The following PDCD7 variants were observed in gnomAD, a reference collection of about 807,000 sequenced individuals.
The protein encoded by PDCD7 is programmed cell death protein 7.
Under a neutral mutation model 42.1 loss-of-function variants are expected in PDCD7, and 40 were observed. The observed-to-expected ratio is 0.95, with a 90% confidence interval of 0.74 to 1.24. The LOEUF (loss-of-function observed/expected upper bound fraction) is 1.24. Ranked by LOEUF, PDCD7 falls within the 50% of genes most tolerant of loss-of-function variation. The pLI is 0.00. For synonymous variants in PDCD7, 299 were observed against 303.3 expected (o/e 0.99, Z 0.15); for missense variants, 644 against 662.8 (o/e 0.97, Z 0.31).
At chr15:65,121,678 A>G (rs1475811615) in intron 2 of PDCD7, among the ~76,000 whole-genome samples, 1 of 152,226 alleles carries the variant, frequency 6.6e-6, no homozygotes, top group Non-Finnish European at 1.5e-5. Context: ...TGATTTAACT[A>G]TGAGGTCAGC....
chr15:65,132,622 G>A (rs1005335692), intron 1 of PDCD7, among the ~76,000 whole-genome samples: 6 of 152,212 alleles, frequency 3.9e-5, no homozygotes. Context: ...GGTTTTGAGA[G>A]TAAGTGGACA....
chr15:65,132,738 C>A (rs989633939), intron 1 of PDCD7, among the ~76,000 whole-genome samples, 174 bp downstream of exon 1: 1 of 152,108 alleles, frequency 6.6e-6, no homozygotes, highest in African/African-American at 2.4e-5. Context: ...TTTTGTGTAC[C>A]ACACATCATT....
chr15:65,120,503 T>C (rs1219281939), intron 2 of PDCD7, among the ~76,000 whole-genome samples: 1 of 152,036 alleles, frequency 6.6e-6, no homozygotes, highest in Non-Finnish European at 1.5e-5. Flanking sequence ...GGTCAGGAGA[T>C]TGAGAACATC....
intron 2 of PDCD7, among the ~76,000 whole-genome samples, chr15:65,124,581 C>CT (rs2087481514): frequency 6.6e-6 from 1 of 152,174 alleles, no homozygotes; most frequent in Admixed American, 6.5e-5. Context: ...CTCTATTCCC[C>CT]TTTAGCCACA....
At chr15:65,132,094 ATATGTATGTGTATATATATG>A (rs2087544414) in intron 1 of PDCD7, among the ~76,000 whole-genome samples, 1 of 132,854 alleles carries the variant, frequency 7.5e-6, no homozygotes, top group Non-Finnish European at 1.6e-5. Context: ...ACACATACAT[ATATGTATGTGTATATATATG>A]TATGTATGTG....
chr15:65,118,529 C>A lies in PDCD7; in HGVS notation c.*188G>T. 2 of 500,966 alleles carry A rather than the reference C, an allele frequency of 4.0e-6. No homozygotes were observed. Among genetic ancestry groups the A allele is most frequent in the Non-Finnish European group, 6.4e-6 (2 of 314,124 alleles). 31.0% of individuals were successfully genotyped at this position (500,966 alleles called of 1,614,324 possible). A position where few individuals can be genotyped will look rare whatever the true frequency, so the allele number is the denominator to read the frequency against. On this transcript the variant is annotated 3_prime_UTR_variant, in exon 5 of 5. Coordinates refer to ENST00000204549, the MANE Select transcript of PDCD7 (RefSeq NM_005707.2). ...TCACCTAAGTCCTTTCCTGAAAAAC[C>A]ACATTAATCTGATTCAAGAGGCACC...
At chr15:65,127,286 T>C (rs1274230807) in intron 2 of PDCD7, among the ~76,000 whole-genome samples, 1 of 151,814 alleles carries the variant, frequency 6.6e-6, no homozygotes, top group African/African-American at 2.4e-5. Flanking sequence ...TGAAACCCCG[T>C]CTCTACTAAA....
Position 65,129,151 on chromosome 15 carries a change from G to A in PDCD7, c.890C>T (p.Ala297Val). 6.2e-7 allele frequency: 1 copy of A among 1,613,858 alleles called. No homozygotes were observed. Among genetic ancestry groups the A allele is most frequent in the Admixed American group, 1.7e-5 (1 of 60,008 alleles). The change falls in exon 2 of 5, where the codon GCC becomes GTC. Residue 297 changes from alanine to valine, a missense_variant. Physicochemically the swap from Ala to Val is moderately conservative, Grantham distance 64 (BLOSUM62 0). Coordinates refer to ENST00000204549, the MANE Select transcript of PDCD7 (RefSeq NM_005707.2). Reference protein sequence around the residue: ...EKKREQELKAAADGVLSEVRK... With the variant: ...EKKREQELKAVADGVLSEVRK... Reference sequence around the variant, plus strand: ...CACTTCAGATAGTACGCCATCAGCGGCTGCTTTGAGTTCCTGCTCCTGGAA... The same window carrying A: ...CACTTCAGATAGTACGCCATCAGCGACTGCTTTGAGTTCCTGCTCCTGGAA...
intron 2 of PDCD7, among the ~76,000 whole-genome samples, chr15:65,128,118 T>C (rs2087510888): frequency 6.6e-6 from 1 of 152,246 alleles, no homozygotes; most frequent in Non-Finnish European, 1.5e-5. Flanking sequence ...CCAGTTTTCA[T>C]TTACATTTTA....
At chr15:65,130,400 C>T (rs142928548) in intron 1 of PDCD7, among the ~76,000 whole-genome samples, 41 of 152,088 alleles carry the variant, frequency 2.7e-4, no homozygotes, top group East Asian at 2.5e-3. Context: ...TCAGGTGATC[C>T]GCCCGCCTTG....
chr15:65,132,595 G>A (rs914789639), intron 1 of PDCD7, among the ~76,000 whole-genome samples: 1 of 152,136 alleles, frequency 6.6e-6, no homozygotes, highest in Admixed American at 6.5e-5. Flanking sequence ...CAAGACACAA[G>A]GAACTAGACA....
At position 65,118,598 on chromosome 15, in the gene PDCD7, A is replaced by C. The variant is rs776554355; in HGVS notation, c.*119T>G. Reference sequence around the variant, plus strand: ...CAGAAGGAAAGCATAACTTCAGGGTAGGGGAATGCCACATGGAATTTAGAA... The same window carrying C: ...CAGAAGGAAAGCATAACTTCAGGGTCGGGGAATGCCACATGGAATTTAGAA... On this transcript the variant is annotated 3_prime_UTR_variant, in exon 5 of 5. Coordinates refer to ENST00000204549, the MANE Select transcript of PDCD7 (RefSeq NM_005707.2). 2.0e-6 allele frequency: 2 copies of C among 1,005,862 alleles called. No individual in the cohort carries two copies. The highest frequency in any genetic ancestry group is 2.8e-6 in the Non-Finnish European group (2 of 709,540). 62.3% of individuals were successfully genotyped at this position (1,005,862 alleles called of 1,614,324 possible).
chr15:65,120,239 G>A (rs892519116), intron 2 of PDCD7, among the ~76,000 whole-genome samples: 8 of 151,630 alleles, frequency 5.3e-5, no homozygotes, highest in Admixed American at 1.3e-4. Flanking sequence ...CTGCAGCCTC[G>A]ACCTCCTGGG....
In PDCD7 at chr15:65,133,656, G is replaced by C. The variant is rs978055959; in HGVS notation, c.126C>G (p.Pro42=). 3.2e-6 allele frequency: 4 copies of C among 1,264,214 alleles called. No individual in the cohort carries two copies. In the African/African-American group the frequency reaches 6.2e-5, roughly 20 times the overall value. 78.3% of individuals were successfully genotyped at this position (1,264,214 alleles called of 1,614,324 possible). ...LPSPAFPPPL[P]QRPGPFPGAS... is the part of the protein sequence containing the mutation. Reference sequence around the variant, plus strand: ...CCCCCGGAAAAGGGCCGGGCCGCTGGGGGAGAGGCGGCGGGAAAGCCGGGG... The same window carrying C: ...CCCCCGGAAAAGGGCCGGGCCGCTGCGGGAGAGGCGGCGGGAAAGCCGGGG... The change falls in exon 1 of 5, where the codon CCC becomes CCG. Residue 42 remains proline, a synonymous_variant. Coordinates refer to ENST00000204549, the MANE Select transcript of PDCD7 (RefSeq NM_005707.2).
At chr15:65,119,034 C>A in intron 4 of PDCD7, 194 bp from the exon 5 acceptor site, 1 of 464,148 alleles carries the variant, frequency 2.2e-6, no homozygotes. Flanking sequence ...CTCTGAAGAA[C>A]TTAAACCTTA....
intron 4 of PDCD7, 162 bp from the exon 5 acceptor site, chr15:65,119,002 G>A (rs1157680954): frequency 2.0e-6 from 1 of 504,114 alleles, no homozygotes; most frequent in East Asian, 3.4e-5. Flanking sequence ...TTTCTTAAAT[G>A]TACATATAAA....
chr15:65,128,362 C>CT (rs1482181738), intron 2 of PDCD7, among the ~76,000 whole-genome samples: 1 of 152,214 alleles, frequency 6.6e-6, no homozygotes, highest in African/African-American at 2.4e-5. Flanking sequence ...AAAGATGGGA[C>CT]TGAGGGCCCT....
At chr15:65,125,444 G>A (rs560034524) in intron 2 of PDCD7, among the ~76,000 whole-genome samples, 1 of 152,172 alleles carries the variant, frequency 6.6e-6, no homozygotes, top group South Asian at 2.1e-4. Context: ...CTTTTAATAA[G>A]TTGAATTATC....
Position 65,129,915 on chromosome 15 carries a change from ATTTTTTTTTT to A in PDCD7, c.871-755_871-746del, listed in dbSNP as rs746709395. Among the ~76,000 whole-genome samples the A allele has an allele frequency of 2.8e-4, 24 of 84,958 alleles. No individual in the cohort carries two copies. In the South Asian group the frequency reaches 5.5e-3, roughly 19 times the overall value. 55.7% of individuals were successfully genotyped at this position (84,958 alleles called of 152,430 possible). A position where few individuals can be genotyped will look rare whatever the true frequency, so the allele number is the denominator to read the frequency against. On this transcript the variant is annotated intron_variant, in intron 1 of 4. Transcript: ENST00000204549. ...CCTGGGCAACAGAGTGAAACTTTGTATTTTTTTTTTTTTTTTTTTTTTTTTTGAGACAGGG... is the reference window on the plus strand; with the variant it reads ...CCTGGGCAACAGAGTGAAACTTTGTATTTTTTTTTTTTTTTTGAGACAGGG...
Sources: allele counts gnomAD v4.1 joint callset (sites outside exome capture counted in the v4.1 genomes callset), GRCh38; gene constraint gnomAD v4.1.1; transcripts MANE v1.5; gene names NCBI Gene and HGNC (gene_info 2026-07-23, HGNC 2026-07-21).